The following CEP250 variants were observed in gnomAD, a reference collection of about 807,000 sequenced individuals.
The protein encoded by CEP250 is centrosomal protein 250, also known as centrosome-associated protein CEP250.
Under a neutral mutation model 315.7 loss-of-function variants are expected in CEP250, and 242 were observed. That is an observed-to-expected ratio of 0.77 (90% CI 0.69 to 0.85). The LOEUF is 0.85. CEP250 is among the 40% of genes least tolerant of loss of function. The pLI is 0.00. For synonymous variants in CEP250, 1,088 were observed against 1,175.0 expected (o/e 0.93, Z 1.51); for missense variants, 2,515 against 2,886.4 (o/e 0.87, Z 2.95).
At position 35,493,477 on chromosome 20, in the gene CEP250, C is replaced by T; in HGVS notation, c.2938C>T (p.Leu980=). ...QTQLQEAQRE[L]KEAARQHRDD... is the part of the protein sequence containing the mutation. ...CCAGCTCCAGGAGGCTCAACGGGAG[C>T]TGAAGGAGGCAGCCCGGCAGCACAG... is the stretch of plus-strand genomic sequence containing the variant. The change falls in exon 23 of 35, where the codon CTG becomes TTG. Residue 980 remains leucine, a synonymous_variant. Coordinates refer to ENST00000397527, the MANE Select transcript of CEP250 (RefSeq NM_007186.6). The T allele has an allele frequency of 6.2e-7, 1 of 1,610,286 alleles. No individual in the cohort carries two copies. The highest frequency in any genetic ancestry group is 8.5e-7 in the Non-Finnish European group (1 of 1,178,484).
intron 30 of CEP250, 49 bp from the exon 31 acceptor site, chr20:35,507,689 G>A: frequency 6.9e-7 from 1 of 1,445,212 alleles, no homozygotes; most frequent in Non-Finnish European, 9.5e-7. Flanking sequence ...GGTTGGTCTG[G>A]ATATGAGGTT....
chr20:35,491,325 A>T lies in CEP250; in HGVS notation c.2868A>T (p.Lys956Asn). 2 of 1,596,038 alleles carry T rather than the reference A, an allele frequency of 1.3e-6. No homozygotes were observed. The highest frequency in any genetic ancestry group is 1.7e-6 in the Non-Finnish European group (2 of 1,170,824). Residue 956 changes from lysine to asparagine, a missense_variant, in exon 22 of 35, where the codon AAA (lysine) becomes AAT (asparagine). Coordinates refer to ENST00000397527, the MANE Select transcript of CEP250 (RefSeq NM_007186.6). The part of the protein sequence containing the change: ...QQLERLRQDM[K>N]VQKLKEQETT... Reference sequence around the variant, plus strand: ...TGGAACGACTGAGGCAGGACATGAAAGTCCAGAAATTAAAGGAGCAGGTAT... The same window carrying T: ...TGGAACGACTGAGGCAGGACATGAATGTCCAGAAATTAAAGGAGCAGGTAT...
At chr20:35,494,765 C>A in intron 24 of CEP250, 108 bp downstream of exon 24, 1 of 1,255,714 alleles carries the variant, frequency 8.0e-7, no homozygotes, top group Non-Finnish European at 1.1e-6. Context: ...GTCTGCAACT[C>A]TGGGATGTAC....
rs1165493834 is a variant in CEP250, at chr20:35,512,977, G to A, written c.*1351G>A. Reference sequence around the variant, plus strand: ...CTGAGACCTAGCCAAGAATCTGGGAGGGGTAAGAGCAGCACCCACTCACCC... The same window carrying A: ...CTGAGACCTAGCCAAGAATCTGGGAAGGGTAAGAGCAGCACCCACTCACCC... On this transcript the variant is annotated 3_prime_UTR_variant, in exon 35 of 35. Transcript: ENST00000397527. 1 of 152,340 alleles carries A rather than the reference G, an allele frequency of 6.6e-6. No homozygotes were observed. The highest frequency in any genetic ancestry group is 1.5e-5 in the Non-Finnish European group (1 of 68,140). The allele number at this position is 152,340 out of a possible 1,614,324, so 9.4% of individuals were successfully genotyped here.
intron 20 of CEP250, among the ~76,000 whole-genome samples, chr20:35,486,124 C>T (rs1257332062): frequency 2.0e-5 from 3 of 150,196 alleles, no homozygotes; most frequent in Non-Finnish European, 1.5e-5. Flanking sequence ...AAGCAATTCT[C>T]GTGCTTCAGC....
intron 9 of CEP250, among the ~76,000 whole-genome samples, chr20:35,468,758 C>G (rs1417740307): frequency 2.6e-5 from 4 of 152,188 alleles, no homozygotes; most frequent in African/African-American, 9.6e-5. Flanking sequence ...TCACCGCAGC[C>G]TTAACCTCCT....
At position 35,513,758 on chromosome 20, in the gene CEP250, G is replaced by A. The variant is rs898476111; in HGVS notation, c.*2132G>A. ...CCACATACCTTCTGGGCCTCAGAGA[G>A]GTTCCAGCAGCTGAAAGACATCTTA... On this transcript the variant is annotated 3_prime_UTR_variant, in exon 35 of 35. Transcript: ENST00000397527. The A allele has an allele frequency of 2.6e-5, 4 of 152,260 alleles. No individual in the cohort carries two copies. The highest frequency in any genetic ancestry group is 2.6e-4 in the Admixed American group (4 of 15,286). The allele number at this position is 152,260 out of a possible 1,614,324, so 9.4% of individuals were successfully genotyped here.
At chr20:35,499,339 T>C (rs955503850) in intron 27 of CEP250, among the ~76,000 whole-genome samples, 1 of 152,204 alleles carries the variant, frequency 6.6e-6, no homozygotes, top group Non-Finnish European at 1.5e-5. Context: ...TCCACTCAGC[T>C]ATGAATTAAT....
In CEP250 at chr20:35,466,143, A is replaced by C; in HGVS notation, c.431A>C (p.Asp144Ala). 2 of 1,613,530 alleles carry C rather than the reference A, an allele frequency of 1.2e-6. No homozygotes were observed. The highest frequency in any genetic ancestry group is 2.2e-5 in the South Asian group (2 of 90,936). The change falls in exon 7 of 35, where the codon GAC becomes GCC. Residue 144 changes from aspartate (D) to alanine (A), a missense_variant. Asp to Ala is a moderately radical substitution (Grantham distance 126). Coordinates refer to ENST00000397527, the MANE Select transcript of CEP250 (RefSeq NM_007186.6). ...GAAGATGTGGAAAAACTGACAGTGG[A>C]CTGGAGCCGGGCCCGGGATGAGCTA... Reference protein sequence around the residue: ...LREDVEKLTVDWSRARDELMR... With the variant: ...LREDVEKLTVAWSRARDELMR...
chr20:35,490,882 AGAG>A lies in CEP250; in HGVS notation c.2754+82_2754+84del, dbSNP rs2063669125. ...TTGACCACTTCCTTTTCTACTCCCA[AGAG>A]GAGTGCTGCAGAGGGGCTTCCAGAA... is the stretch of plus-strand genomic sequence containing the variant. On this transcript the variant is annotated intron_variant, in intron 21 of 34. Transcript: ENST00000397527. 15 of 1,526,166 alleles carry A rather than the reference AGAG, an allele frequency of 9.8e-6. No homozygotes were observed. In the South Asian group the frequency reaches 1.8e-4, roughly 18 times the overall value. The allele number at this position is 1,526,166 out of a possible 1,614,324, so 94.5% of individuals were successfully genotyped here. A position where few individuals can be genotyped will look rare whatever the true frequency, so the allele number is the denominator to read the frequency against.
rs2064383927 is a variant in CEP250, at chr20:35,512,501, T to A, written c.*875T>A. On this transcript the variant is annotated 3_prime_UTR_variant, in exon 35 of 35. Coordinates refer to ENST00000397527, the MANE Select transcript of CEP250 (RefSeq NM_007186.6). ...ATTCCTCTTCTACTCTGGGTGAATG[T>A]CCTTGAGATGTCGCTTCCTGGGCAT... 1 of 152,156 alleles carries A rather than the reference T, an allele frequency of 6.6e-6. No individual in the cohort carries two copies. Among genetic ancestry groups the A allele is most frequent in the Non-Finnish European group, 1.5e-5 (1 of 68,034 alleles). 9.4% of individuals were successfully genotyped at this position (152,156 alleles called of 1,614,324 possible). A position where few individuals can be genotyped will look rare whatever the true frequency, so the allele number is the denominator to read the frequency against.
chr20:35,490,762 G>A lies in CEP250; in HGVS notation c.2712G>A (p.Gln904=). The A allele has an allele frequency of 5.0e-6, 8 of 1,613,734 alleles. No homozygotes were observed. Among genetic ancestry groups the A allele is most frequent in the Non-Finnish European group, 6.8e-6 (8 of 1,179,940 alleles). ...QQTEMEAIQA[Q]REEERTQAES... The stretch of plus-strand genomic sequence containing the variant: ...CAGAAATGGAGGCCATCCAGGCCCA[G>A]AGGGAAGAAGAACGGACCCAGGCAG... The change falls in exon 21 of 35, where the codon CAG becomes CAA. Residue 904 remains glutamine, a synonymous_variant. Coordinates refer to ENST00000397527, the MANE Select transcript of CEP250 (RefSeq NM_007186.6).
chr20:35,500,912 A>T (rs1022242660), intron 28 of CEP250, among the ~76,000 whole-genome samples: 1 of 152,214 alleles, frequency 6.6e-6, no homozygotes, highest in African/African-American at 2.4e-5. Context: ...TTTAAAAATT[A>T]AAAAAATTGG....
intron 3 of CEP250, among the ~76,000 whole-genome samples, chr20:35,461,110 C>T (rs1441239943): frequency 6.6e-6 from 1 of 152,074 alleles, no homozygotes; most frequent in Non-Finnish European, 1.5e-5. Context: ...GATTTGGGGC[C>T]CTTGAAATTT....
Position 35,517,045 on chromosome 20 carries a change from A to G in CEP250, c.*5419A>G. On this transcript the variant is annotated 3_prime_UTR_variant, in exon 35 of 35. Coordinates refer to ENST00000397527, the MANE Select transcript of CEP250 (RefSeq NM_007186.6). ...CGGGCACTGAGAAAAGTGGGAAGCC[A>G]TGGTCACAGACTCTACATTCCCCTC... The G allele has an allele frequency of 1.0e-6, 1 of 985,258 alleles. No individual in the cohort carries two copies. The highest frequency in any genetic ancestry group is 1.2e-6 in the Non-Finnish European group (1 of 829,724). The allele number at this position is 985,258 out of a possible 1,614,324, so 61.0% of individuals were successfully genotyped here. A position where few individuals can be genotyped will look rare whatever the true frequency, so the allele number is the denominator to read the frequency against.
At chr20:35,491,103 C>A in intron 21 of CEP250, 109 bp from the exon 22 acceptor site, 1 of 1,370,664 alleles carries the variant, frequency 7.3e-7, no homozygotes, top group East Asian at 2.5e-5. Flanking sequence ...CCCTCAGCCC[C>A]TTCCCATTTG....
chr20:35,480,575 C>T (rs1167819703), intron 20 of CEP250, among the ~76,000 whole-genome samples: 1 of 142,912 alleles, frequency 7.0e-6, no homozygotes, highest in African/African-American at 2.6e-5. Flanking sequence ...TGTTATTTGT[C>T]TTGCTTTTTT....
At chr20:35,472,968 T>C in intron 12 of CEP250, 137 bp downstream of exon 12, 3 of 787,172 alleles carry the variant, frequency 3.8e-6, no homozygotes, top group Non-Finnish European at 6.0e-6. Context: ...TATCCCAGAG[T>C]AAATCTGCCT....
chr20:35,479,623 C>G (rs1568786595), intron 18 of CEP250, 23 bp from the exon 19 acceptor site: 2 of 1,613,466 alleles, frequency 1.2e-6, no homozygotes, highest in Non-Finnish European at 1.7e-6. Context: ...GTAAGAAACT[C>G]TTCTGATTCC....
Sources: allele counts gnomAD v4.1 joint callset (sites outside exome capture counted in the v4.1 genomes callset), GRCh38; gene constraint gnomAD v4.1.1; transcripts MANE v1.5; gene names NCBI Gene and HGNC (gene_info 2026-07-23, HGNC 2026-07-21).